The following NADK variants were observed in gnomAD, a reference collection of about 807,000 sequenced individuals.
NADK encodes the protein poly(P)/ATP NAD kinase.
In NADK, 22 loss-of-function variants were observed where a neutral mutation model predicts 49.8. The ratio of observed to expected loss-of-function variants is 0.44; its 90% CI spans 0.32 to 0.63. NADK has a LOEUF of 0.63. NADK is among the 30% of genes least tolerant of loss of function. NADK has a pLI of 0.06. For missense variants in NADK, 438 were observed against 609.4 expected (o/e 0.72, Z 2.96); for synonymous variants, 268 against 253.7 (o/e 1.06, Z -0.54).
At chr1:1,761,753 A>C in intron 3 of NADK, 199 bp downstream of exon 3, 1 of 525,500 alleles carries the variant, frequency 1.9e-6, no homozygotes, top group South Asian at 2.3e-5. Context: ...TTCAGGGAGG[A>C]CGCCCATGTG....
intron 6 of NADK, among the ~76,000 whole-genome samples, 166 bp from the exon 7 acceptor site, chr1:1,755,642 G>A (rs1189707687): frequency 1.3e-5 from 2 of 152,242 alleles, no homozygotes; most frequent in Non-Finnish European, 2.9e-5. Flanking sequence ...TCGCAGGCCA[G>A]GGTGGGCCGG....
Position 1,754,241 on chromosome 1 carries a change from C to T in NADK, c.944-33G>A, listed in dbSNP as rs752687127. ...GGACAGGCGCAGGCGTCACTCCCGC[C>T]CGAGGGACGCTCAGGGCCCCAGGAC... On this transcript the variant is annotated intron_variant, in intron 9 of 11. Coordinates refer to ENST00000341426, the MANE Select transcript of NADK (RefSeq NM_023018.5). This position sits in a 1 kb window ranked among gnomAD's most constrained non-coding sequence, Gnocchi z 4.3. 11 of 1,613,182 alleles carry T rather than the reference C, an allele frequency of 6.8e-6. No individual in the cohort carries two copies. Among genetic ancestry groups the T allele is most frequent in the Non-Finnish European group, 8.5e-6 (10 of 1,179,870 alleles).
intron 3 of NADK, chr1:1,758,255 T>C: frequency 1.5e-6 from 2 of 1,304,484 alleles, no homozygotes; most frequent in Non-Finnish European, 1.0e-6. Context: ...CCCAGGAGTG[T>C]GACCGTCCCA....
chr1:1,753,522 G>A, intron 11 of NADK, 45 bp downstream of exon 11: 2 of 1,551,464 alleles, frequency 1.3e-6, no homozygotes, highest in Non-Finnish European at 1.8e-6. Context: ...CCTGGCCCGG[G>A]GAGGAGGTTG....
chr1:1,752,982 G>A lies in NADK; in HGVS notation c.1263C>T (p.Leu421=), dbSNP rs919808843. 5.6e-6 allele frequency: 9 copies of A among 1,603,294 alleles called. No individual in the cohort carries two copies. The highest frequency in any genetic ancestry group is 5.3e-5 in the African/African-American group (4 of 74,844). ...RDPVSDWFES[L]AQCLHWNVRK... is the part of the protein sequence containing the mutation. ...GGACGTTCCAATGCAGGCACTGGGC[G>A]AGGCTCTCAAACCAGTCGCTCACGG... Residue 421 remains leucine (L), a synonymous_variant, in exon 12 of 12, where the codon CTC becomes CTT. Coordinates refer to ENST00000341426, the MANE Select transcript of NADK (RefSeq NM_023018.5).
chr1:1,759,625 A>G (rs1645650350), intron 3 of NADK: 2 of 1,245,794 alleles, frequency 1.6e-6, no homozygotes, highest in Non-Finnish European at 2.2e-6. Context: ...CACAGCGGGG[A>G]TGGGAAGCGG....
intron 6 of NADK, 106 bp from the exon 7 acceptor site, chr1:1,755,582 C>T (rs981928098): frequency 4.8e-6 from 4 of 827,006 alleles, no homozygotes; most frequent in African/African-American, 3.4e-5. Flanking sequence ...GGGACAGCAC[C>T]CCGACCCTCT....
intron 3 of NADK, among the ~76,000 whole-genome samples, chr1:1,760,581 AAC>A (rs1240805682): frequency 3.3e-5 from 5 of 152,162 alleles, no homozygotes; most frequent in African/African-American, 1.2e-4. Context: ...CTTTCTGGTC[AAC>A]AGTCCCCAGC....
chr1:1,766,724 C>A (rs1230738301), intron 1 of NADK, among the ~76,000 whole-genome samples: 2 of 151,200 alleles, frequency 1.3e-5, no homozygotes, highest in Middle Eastern at 3.4e-3. Flanking sequence ...CCCACCTCAG[C>A]CTTCCAAGTA....
At chr1:1,759,711 T>C in intron 3 of NADK, 1 of 1,549,368 alleles carries the variant, frequency 6.5e-7, no homozygotes, top group Non-Finnish European at 8.7e-7. Context: ...TGCATGCCCC[T>C]CAAGGCTGCC....
intron 2 of NADK, among the ~76,000 whole-genome samples, chr1:1,764,006 G>A (rs527854156): frequency 2.6e-5 from 4 of 152,238 alleles, no homozygotes; most frequent in Non-Finnish European, 5.9e-5. Context: ...ACGAGGCAAC[G>A]AGGCATCTGA....
intron 1 of NADK, among the ~76,000 whole-genome samples, chr1:1,768,358 C>T (rs1341001064): frequency 1.3e-5 from 2 of 152,040 alleles, no homozygotes; most frequent in East Asian, 1.9e-4. Flanking sequence ...GGCAACATAG[C>T]AGGATTCTGT....
intron 3 of NADK, chr1:1,758,975 G>A (rs1029334278): frequency 1.9e-5 from 24 of 1,259,548 alleles, no homozygotes; most frequent in Admixed American, 1.6e-4. Flanking sequence ...AGCCCGCTGC[G>A]TCACTCTGCT....
rs549548573 is a variant in NADK, at chr1:1,755,621, G to A, written c.586-145C>T. On this transcript the variant is annotated intron_variant, in intron 6 of 11. Transcript: ENST00000341426. ...GGAGGGACTGGCCATGTGGACAAGC[G>A]GAGGGGGACGTCGCAGGCCAGGGTG... The A allele has an allele frequency of 5.1e-5, 34 of 672,550 alleles. No homozygotes were observed. In the East Asian group the frequency reaches 5.8e-4, roughly 11 times the overall value. The allele number at this position is 672,550 out of a possible 1,614,324, so 41.7% of individuals were successfully genotyped here. A position where few individuals can be genotyped will look rare whatever the true frequency, so the allele number is the denominator to read the frequency against.
At chr1:1,758,999 A>G in intron 3 of NADK, 1 of 1,383,646 alleles carries the variant, frequency 7.2e-7, no homozygotes, top group Non-Finnish European at 9.6e-7. Flanking sequence ...CTCCGGCCCA[A>G]GGGCGTGCAG....
Position 1,765,422 on chromosome 1 carries a change from A to C in NADK, c.-16T>G, listed in dbSNP as rs1427447985. On this transcript the variant is annotated 5_prime_UTR_variant, in exon 2 of 12. Coordinates refer to ENST00000341426, the MANE Select transcript of NADK (RefSeq NM_023018.5). ...CCATTTCCATTGTCAGGAAATGAGA[A>C]CTTCGGTCAGAAAAACACTGATGCC... is the stretch of plus-strand genomic sequence containing the variant. 6.4e-7 allele frequency: 1 copy of C among 1,558,882 alleles called. No homozygotes were observed. Among genetic ancestry groups the C allele is most frequent in the East Asian group, 2.3e-5 (1 of 43,168 alleles).
In NADK at chr1:1,753,548, C is replaced by G; in HGVS notation, c.1184+19G>C. On this transcript the variant is annotated intron_variant, in intron 11 of 11. Coordinates refer to ENST00000341426, the MANE Select transcript of NADK (RefSeq NM_023018.5). ...GAGGAGGTTGGCAGGCAGCGCCCAG[C>G]CCGGCATGCAGCCCACACCTGTCTC... 1 of 1,604,826 alleles carries G rather than the reference C, an allele frequency of 6.2e-7. No individual in the cohort carries two copies. The highest frequency in any genetic ancestry group is 8.5e-7 in the Non-Finnish European group (1 of 1,174,482).
intron 1 of NADK, among the ~76,000 whole-genome samples, chr1:1,765,683 G>A (rs1430505274): frequency 2.0e-5 from 3 of 152,014 alleles, no homozygotes; most frequent in Non-Finnish European, 1.5e-5. Context: ...AGGTAGAGGC[G>A]GGCAGATCAC....
At position 1,752,908 on chromosome 1, in the gene NADK, C is replaced by CCCTCCTCCTCCT. The variant is rs71578334; in HGVS notation, c.1325_1336dup (p.Glu442_Glu445dup). 26 of 1,526,020 alleles carry CCCTCCTCCTCCT rather than the reference C, an allele frequency of 1.7e-5. No individual in the cohort carries two copies. Among genetic ancestry groups the CCCTCCTCCTCCT allele is most frequent in the South Asian group, 1.2e-4 (10 of 85,926 alleles). The allele number at this position is 1,526,020 out of a possible 1,614,324, so 94.5% of individuals were successfully genotyped here. On this transcript the variant is annotated inframe_insertion, in exon 12 of 12. Coordinates refer to ENST00000341426, the MANE Select transcript of NADK (RefSeq NM_023018.5). The stretch of plus-strand genomic sequence containing the variant: ...GGGCCTGGATAGGGGCTTGACCTAG[C>CCCTCCTCCTCCT]CCTCCTCCTCCTCCTCCTCCTCCTC...
Sources: gnomAD v4.1 joint callset for allele counts (sites outside exome capture counted in the v4.1 genomes callset) on GRCh38, gnomAD v4.1.1 for gene constraint, Gnocchi (gnomAD v3.1) non-coding constraint, MANE v1.5 for transcripts, NCBI Gene and HGNC (gene_info 2026-07-23, HGNC 2026-07-21) for gene names.